The following CADM2 variants were observed in gnomAD, a reference collection of about 807,000 sequenced individuals.
CADM2 encodes the protein immunoglobulin superfamily member 4D.
In CADM2, 12 loss-of-function variants were observed where a neutral mutation model predicts 49.8. The ratio of observed to expected loss-of-function variants is 0.24; its 90% CI spans 0.15 to 0.39. The LOEUF is 0.39. CADM2 is among the 10% of genes least tolerant of loss of function. The pLI is 1.00. For synonymous variants in CADM2, 214 were observed against 175.4 expected, an observed-to-expected ratio of 1.22 and a Z score of -1.74; for missense variants, 378 against 492.3, an observed-to-expected ratio of 0.77 and a Z score of 2.20.
chr3:85,766,081 T>C (rs2069641426), intron 2 of CADM2, among the ~76,000 whole-genome samples: 1 of 152,152 alleles, frequency 6.6e-6, no homozygotes, highest in Admixed American at 6.6e-5. Context: ...TCTCACCATC[T>C]TTTGGCCTGA....
chr3:85,107,919 C>T, intron 1 of CADM2, among the ~76,000 whole-genome samples: 1 of 151,874 alleles, frequency 6.6e-6, no homozygotes, highest in East Asian at 1.9e-4. Flanking sequence ...CCAGGCTGGT[C>T]TCGAACTCCT....
At chr3:85,351,383 C>T (rs1046402762) in intron 1 of CADM2, among the ~76,000 whole-genome samples, 11 of 152,116 alleles carry the variant, frequency 7.2e-5, no homozygotes, top group Non-Finnish European at 1.0e-4. Flanking sequence ...ATAGGCATAA[C>T]GTATAATTAA....
At chr3:85,712,310 T>A (rs2067142452) in intron 1 of CADM2, among the ~76,000 whole-genome samples, 1 of 152,200 alleles carries the variant, frequency 6.6e-6, no homozygotes, top group African/African-American at 2.4e-5. Context: ...CTAATTTGCT[T>A]CCACATGTGA....
intron 1 of CADM2, among the ~76,000 whole-genome samples, chr3:85,596,183 T>G (rs2063234760): frequency 6.6e-6 from 1 of 151,866 alleles, no homozygotes; most frequent in Admixed American, 6.6e-5. Context: ...CTTTATTTTA[T>G]TTTTTGACTG....
intron 1 of CADM2, among the ~76,000 whole-genome samples, chr3:85,249,426 C>G (rs561503958): frequency 6.6e-6 from 1 of 151,866 alleles, no homozygotes; most frequent in South Asian, 2.1e-4. Flanking sequence ...TTTTACAAAG[C>G]AATTCTCACC....
intron 1 of CADM2, among the ~76,000 whole-genome samples, chr3:85,508,893 A>G (rs1450221842): frequency 6.6e-6 from 1 of 151,992 alleles, no homozygotes; most frequent in African/African-American, 2.4e-5. Context: ...CATGTTTACC[A>G]GAAACAGTGG....
intron 1 of CADM2, among the ~76,000 whole-genome samples, chr3:85,332,775 A>T (rs879562074): frequency 1.1e-4 from 17 of 151,970 alleles, no homozygotes; most frequent in African/African-American, 3.9e-4. Flanking sequence ...GCAAAGGCAG[A>T]TAAAAGATCT....
intron 8 of CADM2, among the ~76,000 whole-genome samples, chr3:85,970,901 C>T (rs931742782): frequency 6.6e-6 from 1 of 150,394 alleles, no homozygotes; most frequent in Non-Finnish European, 1.5e-5. Flanking sequence ...TATAGAGTAA[C>T]ATAAAAATAT....
At chr3:85,930,518 C>A (rs1344943363) in intron 6 of CADM2, among the ~76,000 whole-genome samples, 2 of 152,186 alleles carry the variant, frequency 1.3e-5, no homozygotes, top group East Asian at 3.9e-4. Context: ...ATAGTCACTT[C>A]CTTGTGCTAT....
chr3:85,132,785 G>C (rs1320374239), intron 1 of CADM2, among the ~76,000 whole-genome samples: 1 of 152,126 alleles, frequency 6.6e-6, no homozygotes, highest in Admixed American at 6.6e-5. Context: ...TAACATAAGG[G>C]AAGCTTTTGG....
At chr3:85,536,350 A>T (rs1273933179) in intron 1 of CADM2, among the ~76,000 whole-genome samples, 2 of 151,990 alleles carry the variant, frequency 1.3e-5, no homozygotes, top group Non-Finnish European at 2.9e-5. Flanking sequence ...AAATCATTCT[A>T]ATTGGCTTGA....
intron 1 of CADM2, among the ~76,000 whole-genome samples, chr3:85,312,684 T>C (rs963606682): frequency 4.6e-5 from 7 of 152,102 alleles, no homozygotes; most frequent in African/African-American, 1.4e-4. Flanking sequence ...TTAATGTAAT[T>C]ACCAAAAATT....
chr3:85,991,101 G>T (rs1361388481), intron 8 of CADM2, among the ~76,000 whole-genome samples: 1 of 152,086 alleles, frequency 6.6e-6, no homozygotes, highest in Non-Finnish European at 1.5e-5. Flanking sequence ...TTGTCACAGG[G>T]ACTGGGAGTT....
At chr3:86,014,916 A>G in intron 8 of CADM2, 1 of 1,519,114 alleles carries the variant, frequency 6.6e-7, no homozygotes, top group South Asian at 1.1e-5. Context: ...GACGGTTGAG[A>G]ATGAGTGGTA....
chr3:85,901,641 A>G (rs1007288889), intron 5 of CADM2, among the ~76,000 whole-genome samples: 70 of 152,318 alleles, frequency 4.6e-4, no homozygotes, highest in African/African-American at 1.6e-3. Flanking sequence ...TTATTTTCAC[A>G]TAGAAACATT....
At chr3:85,260,920 A>T (rs144248325) in intron 1 of CADM2, among the ~76,000 whole-genome samples, 1 of 152,122 alleles carries the variant, frequency 6.6e-6, no homozygotes, top group East Asian at 1.9e-4. Context: ...GGAGTTTGCA[A>T]TCGGTTCTCA....
At chr3:85,886,393 G>A in intron 5 of CADM2, 66 bp downstream of exon 5, 2 of 1,224,522 alleles carry the variant, frequency 1.6e-6, no homozygotes, top group East Asian at 2.5e-5. Context: ...TTAAGAAAAA[G>A]GCATTTTACA....
intron 1 of CADM2, among the ~76,000 whole-genome samples, chr3:85,211,811 G>C (rs2041786785): frequency 6.6e-6 from 1 of 152,088 alleles, no homozygotes; most frequent in Admixed American, 6.6e-5. Flanking sequence ...TATAGTACAA[G>C]TTAAGTCTGA....
intron 1 of CADM2, among the ~76,000 whole-genome samples, chr3:85,323,920 AGTTGAGAGAATAACATT>A (rs1435002044): frequency 6.6e-6 from 1 of 152,186 alleles, no homozygotes; most frequent in African/African-American, 2.4e-5. Context: ...GGATAATGGT[AGTTGAGAGAATAACATT>A]GTTGAGGGCA....
Sources: gnomAD v4.1 joint callset for allele counts (sites outside exome capture counted in the v4.1 genomes callset) on GRCh38, gnomAD v4.1.1 for gene constraint, MANE v1.5 for transcripts, NCBI Gene and HGNC (gene_info 2026-07-23, HGNC 2026-07-21) for gene names.